APCDD1L: variants seen among roughly 807,000 people sequenced by gnomAD.
The protein encoded by APCDD1L is protein APCDD1-like.
A neutral mutation model predicts 24.2 loss-of-function variants in APCDD1L; 21 were observed. The observed-to-expected ratio is 0.87, with a 90% CI of 0.61 to 1.25. The LOEUF (loss-of-function observed/expected upper bound fraction) is 1.25, where lower values mean the gene tolerates loss of function less well. Ranked by LOEUF, APCDD1L falls within the 50% of genes most tolerant of loss-of-function variation. The probability of loss-of-function intolerance (pLI) is 0.00; values close to 1 mark genes in which losing one functional copy is unlikely to be tolerated. For missense variants in APCDD1L, 704 were observed against 711.7 expected (o/e 0.99, Z 0.12); for synonymous variants, 321 against 323.6 (o/e 0.99, Z 0.09).
chr20:58,495,769 T>A (rs953309014), intron 1 of APCDD1L, among the ~76,000 whole-genome samples: 3 of 152,162 alleles, frequency 2.0e-5, no homozygotes, highest in Admixed American at 1.3e-4. Context: ...CCACCTCCTG[T>A]AGCAACACAG....
At chr20:58,490,653 G>A (rs1990208062) in intron 1 of APCDD1L, among the ~76,000 whole-genome samples, 1 of 152,222 alleles carries the variant, frequency 6.6e-6, no homozygotes, top group Non-Finnish European at 1.5e-5. Flanking sequence ...GACAATGTGG[G>A]AAGAGACTGT....
At chr20:58,492,737 TG>T (rs1442920181) in intron 1 of APCDD1L, among the ~76,000 whole-genome samples, 1 of 152,258 alleles carries the variant, frequency 6.6e-6, no homozygotes, top group African/African-American at 2.4e-5. Context: ...ACGCATGCAC[TG>T]ACACATACAG....
chr20:58,503,031 C>A (rs1474237879), intron 1 of APCDD1L, among the ~76,000 whole-genome samples: 3 of 152,170 alleles, frequency 2.0e-5, no homozygotes, highest in Non-Finnish European at 4.4e-5. Flanking sequence ...GGAAGTCAGG[C>A]TTCCCCTAAC....
In APCDD1L at chr20:58,459,139, T is replaced by G. The variant is rs1256814818; in HGVS notation, c.*1651A>C. 1 of 152,264 alleles carries G rather than the reference T, an allele frequency of 6.6e-6. No homozygotes were observed. The highest frequency in any genetic ancestry group is 6.5e-5 in the Admixed American group (1 of 15,290). 9.4% of individuals were successfully genotyped at this position (152,264 alleles called of 1,614,324 possible). A position where few individuals can be genotyped will look rare whatever the true frequency, so the allele number is the denominator to read the frequency against. Reference sequence around the variant, plus strand: ...TTAATTTTATTAAAAGGTTCAAATTTGATGATAAATGGTGGCATGGTTACT... The same window carrying G: ...TTAATTTTATTAAAAGGTTCAAATTGGATGATAAATGGTGGCATGGTTACT... On this transcript the variant is annotated 3_prime_UTR_variant, in exon 4 of 4. Coordinates refer to ENST00000371149, the MANE Select transcript of APCDD1L (RefSeq NM_153360.3).
At position 58,497,120 on chromosome 20, in the gene APCDD1L, C is replaced by T. The variant is rs757162028; in HGVS notation, c.49+17539G>A. Among the ~76,000 whole-genome samples the T allele has an allele frequency of 6.7e-6, 1 of 149,546 alleles. No homozygotes were observed. Among genetic ancestry groups the T allele is most frequent in the Non-Finnish European group, 1.5e-5 (1 of 67,732 alleles). On this transcript the variant is annotated intron_variant, in intron 1 of 3. Coordinates refer to ENST00000371149, the MANE Select transcript of APCDD1L (RefSeq NM_153360.3). This position sits in a 1 kb window ranked among gnomAD's most constrained non-coding sequence, Gnocchi z 4.3. ...AAAGACAGGGCTCCAGGGTCAGCAG[C>T]GTGGACACCAGAGGTCACAAGATGG... is the stretch of plus-strand genomic sequence containing the variant.
chr20:58,514,499 G>A (rs1688435923), intron 1 of APCDD1L, among the ~76,000 whole-genome samples, 160 bp downstream of exon 1: 1 of 152,212 alleles, frequency 6.6e-6, no homozygotes, highest in South Asian at 2.1e-4. Context: ...CGCAGGTGCC[G>A]GCCAGGTGAG....
Position 58,514,803 on chromosome 20 carries a change from GC to G in APCDD1L, c.-97del. On this transcript the variant is annotated 5_prime_UTR_variant, in exon 1 of 4. Transcript: ENST00000371149. ...TCTCGGACGGCTGCGGGCGCCGGCG[GC>G]CAGGCTGGAGTCCTGCGAAGAAGTT... is the stretch of plus-strand genomic sequence containing the variant. The G allele has an allele frequency of 9.4e-7, 1 of 1,065,752 alleles. No homozygotes were observed. The highest frequency in any genetic ancestry group is 1.2e-6 in the Non-Finnish European group (1 of 825,600). 66.0% of individuals were successfully genotyped at this position (1,065,752 alleles called of 1,614,324 possible).
At chr20:58,462,942 G>C (rs1200136850) in intron 3 of APCDD1L, among the ~76,000 whole-genome samples, 1 of 151,464 alleles carries the variant, frequency 6.6e-6, no homozygotes, top group African/African-American at 2.4e-5. Flanking sequence ...AGGAGATCAA[G>C]ACCATCCTGG....
Position 58,460,740 on chromosome 20 carries a change from G to T in APCDD1L, c.*50C>A. On this transcript the variant is annotated 3_prime_UTR_variant, in exon 4 of 4. Coordinates refer to ENST00000371149, the MANE Select transcript of APCDD1L (RefSeq NM_153360.3). The surrounding 1 kb of genome is among the most constrained non-coding windows in gnomAD (Gnocchi z 4.2). ...CCCTACAGCTGCCAGGAGGGAGTCT[G>T]AAGGGTTGAATGGGTGTCCAGAGCC... is the stretch of plus-strand genomic sequence containing the variant. 6.7e-7 allele frequency: 1 copy of T among 1,500,922 alleles called. No individual in the cohort carries two copies. Among genetic ancestry groups the T allele is most frequent in the East Asian group, 2.3e-5 (1 of 43,734 alleles). 93.0% of individuals were successfully genotyped at this position (1,500,922 alleles called of 1,614,324 possible).
chr20:58,495,959 C>A (rs1016196085), intron 1 of APCDD1L, among the ~76,000 whole-genome samples: 2 of 152,208 alleles, frequency 1.3e-5, no homozygotes, highest in Admixed American at 1.3e-4. Context: ...CATCCCCCAT[C>A]CTTGGCCTGA....
chr20:58,482,888 T>C (rs1176297002), intron 1 of APCDD1L, among the ~76,000 whole-genome samples: 1 of 152,202 alleles, frequency 6.6e-6, no homozygotes, highest in African/African-American at 2.4e-5. Flanking sequence ...TTACAGCCCC[T>C]GATCTTGGCT....
rs1989582930 is a variant in APCDD1L at position 58,460,896 on chromosome 20, T to C, written c.1400A>G (p.Gln467Arg). ...GTGCTTCTGCAGCGATGGCCTGTGC[T>C]GCGGTGGCCTGGAGAAGTCGGGGGC... ...GEAPDFSRPP[Q>R]HRPSLQKHPS... is the part of the protein sequence containing the mutation. The change falls in exon 4 of 4, where the codon CAG becomes CGG. Residue 467 changes from glutamine to arginine, a missense_variant. Physicochemically the swap from Gln to Arg is conservative, Grantham distance 43. Coordinates refer to ENST00000371149, the MANE Select transcript of APCDD1L (RefSeq NM_153360.3). This position sits in a 1 kb window ranked among gnomAD's most constrained non-coding sequence, Gnocchi z 4.2. 1 of 1,607,936 alleles carries C rather than the reference T, an allele frequency of 6.2e-7. No individual in the cohort carries two copies. Among genetic ancestry groups the C allele is most frequent in the Non-Finnish European group, 8.5e-7 (1 of 1,176,124 alleles).
chr20:58,510,044 T>C lies in APCDD1L; in HGVS notation c.49+4615A>G, dbSNP rs569946646. On this transcript the variant is annotated intron_variant, in intron 1 of 3. Transcript: ENST00000371149. ...CTTCTGCCGGGAATTCTGTCTGTTC[T>C]GCCTCCTCCTCATTCAGTTTTTCAA... is the stretch of plus-strand genomic sequence containing the variant. 2.0e-5 allele frequency among the ~76,000 whole-genome samples: 3 copies of C among 152,326 alleles called. No homozygotes were observed. In the East Asian group the frequency reaches 5.8e-4, roughly 29 times the overall value.
chr20:58,487,191 G>A (rs1214238888), intron 1 of APCDD1L, among the ~76,000 whole-genome samples: 1 of 151,822 alleles, frequency 6.6e-6, no homozygotes, highest in Non-Finnish European at 1.5e-5. Flanking sequence ...AAGAGGAAAA[G>A]GACAGAACAA....
intron 1 of APCDD1L, among the ~76,000 whole-genome samples, chr20:58,486,861 T>TTTTTTG (rs1990127249): frequency 1.6e-5 from 2 of 128,536 alleles, no homozygotes; most frequent in Admixed American, 8.0e-5. Context: ...AAGGTTTTTT[T>TTTTTTG]TTTTTTTTTT....
Position 58,514,851 on chromosome 20 carries a change from C to T in APCDD1L, c.-144G>A, listed in dbSNP as rs527471460. ...AGTTGCGAGGGTCCTGCGCCCCCCT[C>T]GGCGCTCACACGCGCTCAGCCTTCC... On this transcript the variant is annotated 5_prime_UTR_variant, in exon 1 of 4. Coordinates refer to ENST00000371149, the MANE Select transcript of APCDD1L (RefSeq NM_153360.3). 1.8e-5 allele frequency: 10 copies of T among 548,502 alleles called. No individual in the cohort carries two copies. The highest frequency in any genetic ancestry group is 1.4e-4 in the African/African-American group (7 of 51,030). 34.0% of individuals were successfully genotyped at this position (548,502 alleles called of 1,614,324 possible).
intron 1 of APCDD1L, among the ~76,000 whole-genome samples, chr20:58,481,724 A>C (rs903798017): frequency 2.0e-5 from 3 of 151,602 alleles, no homozygotes; most frequent in Non-Finnish European, 2.9e-5. Flanking sequence ...GCGAACCCTC[A>C]CCCCGCCGGC....
At chr20:58,477,154 C>T (rs1600854154) in intron 1 of APCDD1L, among the ~76,000 whole-genome samples, 1 of 152,334 alleles carries the variant, frequency 6.6e-6, no homozygotes, top group East Asian at 1.9e-4. Context: ...CTTACGCAGA[C>T]ATTGTGCAAT....
intron 1 of APCDD1L, chr20:58,513,913 T>G (rs749947203): frequency 7.7e-7 from 1 of 1,303,958 alleles, no homozygotes; most frequent in Non-Finnish European, 1.0e-6. Flanking sequence ...AATGTGAGGG[T>G]GCTTGGGGAT....
Sources: gnomAD v4.1 joint callset for allele counts (sites outside exome capture counted in the v4.1 genomes callset) on GRCh38, gnomAD v4.1.1 for gene constraint, Gnocchi (gnomAD v3.1) non-coding constraint, MANE v1.5 for transcripts, NCBI Gene and HGNC (gene_info 2026-07-23, HGNC 2026-07-21) for gene names.